The following GALK2 variants were observed in gnomAD, a reference collection of about 807,000 sequenced individuals.
The protein encoded by GALK2 is N-acetylgalactosamine kinase.
A neutral mutation model predicts 52.4 loss-of-function variants in GALK2; 36 were observed. That is an observed-to-expected ratio of 0.69 (90% CI 0.53 to 0.91). The LOEUF is 0.91. GALK2 is among the 40% of genes least tolerant of loss of function. The probability of loss-of-function intolerance (pLI) is 0.00; values close to 1 mark genes in which losing one functional copy is unlikely to be tolerated. For missense variants in GALK2, 579 were observed against 559.1 expected, an observed-to-expected ratio of 1.04 and a Z score of -0.36; for synonymous variants, 176 against 199.1, an observed-to-expected ratio of 0.88 and a Z score of 0.98.
intron 3 of GALK2, among the ~76,000 whole-genome samples, chr15:49,233,226 T>A (rs1344320862): frequency 6.6e-6 from 1 of 152,120 alleles, no homozygotes; most frequent in East Asian, 1.9e-4. Context: ...GAAGCAGGCA[T>A]GTCTACATGG....
In GALK2 at chr15:49,253,701, A is replaced by G. The variant is rs1186723178; in HGVS notation, c.504+14334A>G. ...TTCTTAGACCAGAGCCCTGCCTCTCAGAGACTTCCTGGAGCCTAGCTATAG... is the reference window on the plus strand; with the variant it reads ...TTCTTAGACCAGAGCCCTGCCTCTCGGAGACTTCCTGGAGCCTAGCTATAG... On this transcript the variant is annotated intron_variant, in intron 5 of 9. Coordinates refer to ENST00000560031, the MANE Select transcript of GALK2 (RefSeq NM_002044.4). Among the ~76,000 whole-genome samples, 3 of 144,478 alleles carry G rather than the reference A, an allele frequency of 2.1e-5. No homozygotes were observed. In the Admixed American group the frequency reaches 2.1e-4, roughly 10 times the overall value. The allele number at this position is 144,478 out of a possible 152,430, so 94.8% of individuals were successfully genotyped here.
chr15:49,269,252 A>T (rs935484158), intron 5 of GALK2, among the ~76,000 whole-genome samples: 10 of 152,198 alleles, frequency 6.6e-5, no homozygotes, highest in Non-Finnish European at 1.5e-4. Context: ...ATATTTAAAA[A>T]GTGCTGTACA....
At chr15:49,238,841 T>C (rs2090959025) in intron 4 of GALK2, among the ~76,000 whole-genome samples, 1 of 152,230 alleles carries the variant, frequency 6.6e-6, no homozygotes, top group South Asian at 2.1e-4. Flanking sequence ...CAGATAATTG[T>C]ATATTTCTTG....
chr15:49,327,320 G>A (rs1364899693), intron 9 of GALK2: 1 of 152,172 alleles, frequency 6.6e-6, no homozygotes, highest in Non-Finnish European at 1.5e-5. Flanking sequence ...CTGCTTTGTG[G>A]AAAGGCTTGG....
At chr15:49,237,351 G>C (rs976025670) in intron 4 of GALK2, among the ~76,000 whole-genome samples, 18 of 152,166 alleles carry the variant, frequency 1.2e-4, no homozygotes, top group Non-Finnish European at 2.6e-4. Context: ...CATTGAACAT[G>C]TTATCCTTTT....
intron 8 of GALK2, among the ~76,000 whole-genome samples, chr15:49,298,618 T>C (rs1273373216): frequency 6.6e-6 from 1 of 152,176 alleles, no homozygotes; most frequent in Non-Finnish European, 1.5e-5. Flanking sequence ...GTTTTTAACA[T>C]AAGGAGTTCT....
In GALK2 at chr15:49,195,128, G is replaced by A. The variant is rs576540152; in HGVS notation, c.54-6034G>A. On this transcript the variant is annotated intron_variant, in intron 1 of 9. Transcript: ENST00000560031. The stretch of plus-strand genomic sequence containing the variant: ...ACCTGTGCTGGAGGCTAGAGTGCAA[G>A]TGGCACGATCTTGGCTCACTGCAAC... 757 of 451,140 alleles carry A rather than the reference G, an allele frequency of 1.7e-3. 13 individuals are homozygous for A. The highest frequency in any genetic ancestry group is 0.011 in the South Asian group (738 of 64,292). The allele number at this position is 451,140 out of a possible 1,614,324, so 27.9% of individuals were successfully genotyped here.
chr15:49,348,033 A>G (rs1241726122), intron 3 of GALK2, among the ~76,000 whole-genome samples: 1 of 151,764 alleles, frequency 6.6e-6, no homozygotes, highest in Non-Finnish European at 1.5e-5. Flanking sequence ...AAAAAAAAAA[A>G]AAAAAAAAAG....
At chr15:49,355,340 GA>G (rs2042961381) in intron 3 of GALK2, among the ~76,000 whole-genome samples, 1 of 152,056 alleles carries the variant, frequency 6.6e-6, no homozygotes, top group Non-Finnish European at 1.5e-5. Context: ...TGAAAACTTT[GA>G]AAAAAATTTA....
At chr15:49,175,070 A>G (rs1393097198) in intron 1 of GALK2, among the ~76,000 whole-genome samples, 1 of 152,214 alleles carries the variant, frequency 6.6e-6, no homozygotes, top group Non-Finnish European at 1.5e-5. Flanking sequence ...AGCTATACAT[A>G]TTTATGAGGG....
rs889688029 is a variant in GALK2 at position 49,366,253 on chromosome 15, G to A, written c.427-1238G>A. 5 of 786,910 alleles carry A rather than the reference G, an allele frequency of 6.4e-6. No homozygotes were observed. In the African/African-American group the frequency reaches 6.8e-5, roughly 11 times the overall value. The allele number at this position is 786,910 out of a possible 1,614,324, so 48.7% of individuals were successfully genotyped here. ...CTAGAGTCTGCTTCATATCTATAAA[G>A]TCTTTGTCACTTATAAATGCAATCA... On this transcript the variant is annotated intron_variant, in intron 3 of 3. Transcript: ENST00000558399.
chr15:49,215,900 T>G (rs2089323646), intron 2 of GALK2, among the ~76,000 whole-genome samples: 1 of 152,222 alleles, frequency 6.6e-6, no homozygotes, highest in South Asian at 2.1e-4. Flanking sequence ...TGTATTCAAA[T>G]GGGATTGAGT....
chr15:49,283,419 G>T (rs946596900), intron 6 of GALK2, 147 bp from the exon 7 acceptor site: 6 of 658,432 alleles, frequency 9.1e-6, no homozygotes, highest in Non-Finnish European at 1.3e-5. Context: ...TATTTCCAGT[G>T]CCTAGTACAG....
At chr15:49,175,407 A>G (rs1054767991) in intron 1 of GALK2, among the ~76,000 whole-genome samples, 10 of 152,184 alleles carry the variant, frequency 6.6e-5, no homozygotes, top group Non-Finnish European at 1.0e-4. Context: ...ACTTGTAGCC[A>G]TGAGAATTTA....
chr15:49,340,127 G>C (rs2040449009), intron 3 of GALK2, among the ~76,000 whole-genome samples: 1 of 152,152 alleles, frequency 6.6e-6, no homozygotes, highest in South Asian at 2.1e-4. Context: ...GGAGTGAACT[G>C]TTCTGTCTCA....
At chr15:49,204,744 T>G (rs578134520) in intron 2 of GALK2, among the ~76,000 whole-genome samples, 2 of 152,324 alleles carry the variant, frequency 1.3e-5, no homozygotes, top group Admixed American at 1.3e-4. Context: ...AGGTGGTATT[T>G]GGTTACATGA....
intron 8 of GALK2, among the ~76,000 whole-genome samples, chr15:49,304,879 A>G (rs180934046): frequency 1.2e-3 from 181 of 152,314 alleles, no homozygotes; most frequent in Non-Finnish European, 2.1e-3. Context: ...TTTATGTTAC[A>G]CATTTCTCTC....
chr15:49,244,007 G>A (rs967254216), intron 5 of GALK2, among the ~76,000 whole-genome samples: 7 of 151,996 alleles, frequency 4.6e-5, no homozygotes, highest in South Asian at 4.1e-4. Context: ...GGGAATAAAA[G>A]AGCTGGACAA....
intron 1 of GALK2, among the ~76,000 whole-genome samples, chr15:49,184,772 CTTTT>C (rs1431544122): frequency 6.6e-6 from 1 of 152,040 alleles, no homozygotes; most frequent in Non-Finnish European, 1.5e-5. Flanking sequence ...CATCTACCTT[CTTTT>C]TTAAGTTTTT....
Sources: gnomAD v4.1 joint callset for allele counts (sites outside exome capture counted in the v4.1 genomes callset) on GRCh38, gnomAD v4.1.1 for gene constraint, MANE v1.5 for transcripts, NCBI Gene and HGNC (gene_info 2026-07-23, HGNC 2026-07-21) for gene names.